The following SCN11A variants were observed in gnomAD, a reference collection of about 807,000 sequenced individuals.
SCN11A encodes sodium voltage-gated channel alpha subunit 11.
Under a neutral mutation model 162.2 loss-of-function variants are expected in SCN11A, and 122 were observed. The observed-to-expected ratio is 0.75, with a 90% CI of 0.65 to 0.87. The LOEUF is 0.87. SCN11A is among the 40% of genes least tolerant of loss of function. The pLI is 0.00. For synonymous variants in SCN11A, 758 were observed against 751.5 expected, an observed-to-expected ratio of 1.01 and a Z score of -0.14; for missense variants, 2,015 against 2,181.6, an observed-to-expected ratio of 0.92 and a Z score of 1.52.
At chr3:38,960,993 T>C (rs939833864) in intron 2 of SCN11A, among the ~76,000 whole-genome samples, 3 of 152,156 alleles carry the variant, frequency 2.0e-5, no homozygotes, top group African/African-American at 7.2e-5. Context: ...TTGTTGTTTG[T>C]TTGTTTGCTT....
chr3:38,883,974 T>C (rs1215880577), intron 21 of SCN11A, among the ~76,000 whole-genome samples: 1 of 152,224 alleles, frequency 6.6e-6, no homozygotes, highest in African/African-American at 2.4e-5. Context: ...TTTGATCAAA[T>C]GTCGAGACGT....
chr3:39,018,061 T>A (rs535913143), intron 2 of SCN11A, among the ~76,000 whole-genome samples: 1 of 152,244 alleles, frequency 6.6e-6, no homozygotes, highest in African/African-American at 2.4e-5. Context: ...CAGCATTCAT[T>A]TGGGGGCTAA....
intron 22 of SCN11A, among the ~76,000 whole-genome samples, chr3:38,882,772 G>C (rs1575241764): frequency 6.6e-6 from 1 of 152,150 alleles, no homozygotes; most frequent in South Asian, 2.1e-4. Flanking sequence ...AAGGGATCAT[G>C]AATGACAGAA....
chr3:38,988,043 A>G (rs2030323309), intron 2 of SCN11A, among the ~76,000 whole-genome samples: 1 of 141,956 alleles, frequency 7.0e-6, no homozygotes, highest in Non-Finnish European at 1.5e-5. Flanking sequence ...GCCCGGTGCA[A>G]ATGGGAATTT....
chr3:38,856,155 C>T (rs1276025703), intron 28 of SCN11A, among the ~76,000 whole-genome samples: 1 of 152,142 alleles, frequency 6.6e-6, no homozygotes, highest in African/African-American at 2.4e-5. Flanking sequence ...AAGTCTGCAC[C>T]TCTAGCCCAA....
chr3:38,894,167 A>AAAAC (rs1310035442), intron 19 of SCN11A, among the ~76,000 whole-genome samples: 1 of 150,786 alleles, frequency 6.6e-6, no homozygotes, highest in Non-Finnish European at 1.5e-5. Context: ...TTTTTTTTCT[A>AAAAC]AAACAAACAA....
Position 38,905,316 on chromosome 3 carries a change from C to T in SCN11A, c.1479G>A (p.Gln493=). 6.2e-7 allele frequency: 1 copy of T among 1,613,392 alleles called. No homozygotes were observed. Among genetic ancestry groups the T allele is most frequent in the Non-Finnish European group, 8.5e-7 (1 of 1,179,602 alleles). ...DSDEDCQKKP[Q]LLEQTKRLSQ... ...ACAGTCGTTTGGTTTGCTCTAGGAG[C>T]TGTGGCTGTAAGAGAAGGCATAGGG... Residue 493 remains glutamine (Q), a synonymous_variant, in exon 15 of 30, where the codon CAG becomes CAA. Transcript: ENST00000302328.
chr3:38,931,863 T>C (rs1279848993), intron 7 of SCN11A, among the ~76,000 whole-genome samples: 1 of 152,186 alleles, frequency 6.6e-6, no homozygotes, highest in Admixed American at 6.5e-5. Flanking sequence ...ATTTTAGAAA[T>C]ATTAGATAAG....
rs542624013 is a variant in SCN11A, at chr3:38,851,013, A to C, written c.4057-262T>G. ...TTCCATTTTAAAACAAAAAATATTA[A>C]AAAGTCTTAGTAACAACATAACTTT... On this transcript the variant is annotated intron_variant, in intron 28 of 29. Transcript: ENST00000302328. Among the ~76,000 whole-genome samples the C allele has an allele frequency of 2.0e-5, 3 of 152,328 alleles. No homozygotes were observed. In the South Asian group the frequency reaches 6.2e-4, roughly 32 times the overall value.
At position 38,846,187 on chromosome 3, in the gene SCN11A, C is replaced by T. The variant is rs1435132827; in HGVS notation, c.*507G>A. The T allele has an allele frequency of 6.4e-6, 1 of 155,246 alleles. No individual in the cohort carries two copies. Among genetic ancestry groups the T allele is most frequent in the Non-Finnish European group, 1.4e-5 (1 of 69,818 alleles). 9.6% of individuals were successfully genotyped at this position (155,246 alleles called of 1,614,324 possible). On this transcript the variant is annotated 3_prime_UTR_variant, in exon 30 of 30. Transcript: ENST00000302328. ...GGAGTGCAGTGGCACGATCTTGGCT[C>T]ACTGCAACCTCCGTCTCCCAGGTTT... is the stretch of plus-strand genomic sequence containing the variant.
intron 23 of SCN11A, among the ~76,000 whole-genome samples, chr3:38,875,934 G>A (rs1463865578): frequency 6.6e-6 from 1 of 152,034 alleles, no homozygotes; most frequent in Admixed American, 6.6e-5. Context: ...CAAATCTGGA[G>A]ACATCACATT....
chr3:39,039,838 C>T (rs1005300870), intron 1 of SCN11A, among the ~76,000 whole-genome samples: 4 of 152,020 alleles, frequency 2.6e-5, no homozygotes, highest in Admixed American at 2.6e-4. Flanking sequence ...CTACCATGTA[C>T]CTGAAACAGT....
intron 20 of SCN11A, 83 bp downstream of exon 20, chr3:38,886,042 G>T (rs756470162): frequency 3.0e-4 from 257 of 870,810 alleles, no homozygotes; most frequent in Non-Finnish European, 4.4e-4. Flanking sequence ...TGCATTAATT[G>T]TGCCATTTTT....
At chr3:39,046,224 C>T (rs1262526431) in intron 1 of SCN11A, among the ~76,000 whole-genome samples, 1 of 147,528 alleles carries the variant, frequency 6.8e-6, no homozygotes. Context: ...CAGGCCACTG[C>T]ACTCCAGCCT....
intron 28 of SCN11A, among the ~76,000 whole-genome samples, chr3:38,862,001 A>T (rs751646740): frequency 4.6e-5 from 7 of 152,130 alleles, no homozygotes; most frequent in Non-Finnish European, 1.0e-4. Context: ...CTGACAAAAG[A>T]CTAATTTTCA....
intron 7 of SCN11A, among the ~76,000 whole-genome samples, chr3:38,936,121 C>T (rs2066327470): frequency 1.3e-5 from 2 of 151,578 alleles, no homozygotes; most frequent in African/African-American, 4.9e-5. Context: ...ACAAAAACCA[C>T]ATGATTATCT....
chr3:39,013,398 G>A (rs2031202864), intron 2 of SCN11A, among the ~76,000 whole-genome samples: 1 of 151,202 alleles, frequency 6.6e-6, no homozygotes, highest in Admixed American at 6.6e-5. Context: ...ATGATGCTAG[G>A]ACACAGAAAA....
At chr3:38,937,538 C>G (rs1233485618) in intron 7 of SCN11A, among the ~76,000 whole-genome samples, 1 of 151,232 alleles carries the variant, frequency 6.6e-6, no homozygotes, top group African/African-American at 2.4e-5. Context: ...AAAAAACAAA[C>G]AACCCCATCA....
intron 5 of SCN11A, among the ~76,000 whole-genome samples, chr3:38,949,707 A>T (rs2066571846): frequency 6.6e-6 from 1 of 152,170 alleles, no homozygotes; most frequent in Non-Finnish European, 1.5e-5. Flanking sequence ...CATTATTTCT[A>T]TTATACAGAT....
Sources: allele counts gnomAD v4.1 joint callset (sites outside exome capture counted in the v4.1 genomes callset), GRCh38; gene constraint gnomAD v4.1.1; transcripts MANE v1.5; gene names NCBI Gene and HGNC (gene_info 2026-07-23, HGNC 2026-07-21).